The following DIS3L2 variants were observed in gnomAD, a reference collection of about 807,000 sequenced individuals.
The protein encoded by DIS3L2 is DIS3 like 3'-5' exoribonuclease 2.
Under a neutral mutation model 97.5 loss-of-function variants are expected in DIS3L2, and 34 were observed. The observed-to-expected ratio is 0.35, with a 90% CI of 0.27 to 0.46. DIS3L2 has a LOEUF of 0.46. Among genes scored for constraint, DIS3L2 ranks in the 20% least tolerant of loss-of-function variants. DIS3L2 has a pLI of 1.00. For synonymous variants in DIS3L2, 435 were observed against 445.2 expected, an observed-to-expected ratio of 0.98 and a Z score of 0.29; for missense variants, 1,038 against 1,146.0, an observed-to-expected ratio of 0.91 and a Z score of 1.36.
chr2:232,117,583 G>A (rs1006040751), intron 6 of DIS3L2, among the ~76,000 whole-genome samples: 3 of 152,216 alleles, frequency 2.0e-5, no homozygotes, highest in Admixed American at 6.5e-5. Flanking sequence ...CATGGTGTCA[G>A]TGATGAGCTT....
intron 6 of DIS3L2, among the ~76,000 whole-genome samples, chr2:232,097,111 C>T (rs967946266): frequency 5.3e-5 from 8 of 152,224 alleles, no homozygotes; most frequent in South Asian, 2.1e-4. Flanking sequence ...TAATCTAAGC[C>T]GTATGTGCAT....
At chr2:232,079,019 T>G (rs1696300886) in intron 5 of DIS3L2, among the ~76,000 whole-genome samples, 1 of 152,230 alleles carries the variant, frequency 6.6e-6, no homozygotes, top group Non-Finnish European at 1.5e-5. Context: ...GCTGTTTATT[T>G]GAAAGACAAT....
In DIS3L2 at chr2:232,263,284, T is replaced by C. The variant is rs1559181262; in HGVS notation, c.1503T>C (p.Ile501=). 3.1e-6 allele frequency: 5 copies of C among 1,614,200 alleles called. No individual in the cohort carries two copies. Among genetic ancestry groups the C allele is most frequent in the Non-Finnish European group, 4.2e-6 (5 of 1,180,030 alleles). The change falls in exon 13 of 21, where the codon ATT becomes ATC. Residue 501 remains isoleucine, a synonymous_variant. Coordinates refer to ENST00000325385, the MANE Select transcript of DIS3L2 (RefSeq NM_152383.5). ...KLSYEHAQSM[I]ESPTEKIPAK... Reference sequence around the variant, plus strand: ...GCTACGAGCATGCACAGAGCATGATTGAAAGCCCAACTGAGAAAATCCCTG... The same window carrying C: ...GCTACGAGCATGCACAGAGCATGATCGAAAGCCCAACTGAGAAAATCCCTG...
chr2:232,184,454 T>G (rs1691380106), intron 9 of DIS3L2, among the ~76,000 whole-genome samples: 1 of 152,078 alleles, frequency 6.6e-6, no homozygotes, highest in Non-Finnish European at 1.5e-5. Flanking sequence ...AGTTCCAGAC[T>G]AGCCTGGGCA....
intron 8 of DIS3L2, among the ~76,000 whole-genome samples, chr2:232,147,521 A>G (rs1287833441): frequency 6.6e-6 from 1 of 152,172 alleles, no homozygotes; most frequent in African/African-American, 2.4e-5. Context: ...CCTCTTGACT[A>G]TGAGAGCTTC....
intron 10 of DIS3L2, among the ~76,000 whole-genome samples, chr2:232,220,845 G>A (rs1345294320): frequency 1.3e-5 from 2 of 152,118 alleles, no homozygotes; most frequent in Admixed American, 1.3e-4. Flanking sequence ...GCTCATTCCT[G>A]TAATCCCAGC....
chr2:232,108,921 G>C (rs1475338080), intron 6 of DIS3L2, among the ~76,000 whole-genome samples: 1 of 152,096 alleles, frequency 6.6e-6, no homozygotes, highest in African/African-American at 2.4e-5. Flanking sequence ...CGCAAACAAA[G>C]GGAAAAACAT....
chr2:231,984,898 G>C (rs933179966), intron 1 of DIS3L2, among the ~76,000 whole-genome samples: 1 of 152,314 alleles, frequency 6.6e-6, no homozygotes, highest in Middle Eastern at 3.4e-3. Context: ...TGGGATTATA[G>C]GCATGAGCCA....
intron 1 of DIS3L2, among the ~76,000 whole-genome samples, chr2:231,989,427 A>G (rs1401787871): frequency 6.6e-6 from 1 of 151,680 alleles, no homozygotes; most frequent in Non-Finnish European, 1.5e-5. Flanking sequence ...TATTAATTGA[A>G]AATTATTTAA....
chr2:232,315,492 G>A (rs1033396037), intron 14 of DIS3L2, among the ~76,000 whole-genome samples: 6 of 152,066 alleles, frequency 3.9e-5, no homozygotes, highest in African/African-American at 1.2e-4. Context: ...TTAGCTTTTG[G>A]CTGTGCTATC....
At chr2:232,028,994 T>TC (rs886151220) in intron 4 of DIS3L2, among the ~76,000 whole-genome samples, 2 of 152,090 alleles carry the variant, frequency 1.3e-5, no homozygotes, top group African/African-American at 4.8e-5. Context: ...AATCTGCCCC[T>TC]CCCCCTTTTT....
chr2:232,126,097 A>G (rs1698057759), intron 6 of DIS3L2, among the ~76,000 whole-genome samples: 1 of 152,112 alleles, frequency 6.6e-6, no homozygotes, highest in Admixed American at 6.5e-5. Context: ...ATTGTGTCTC[A>G]CCTAGATTCT....
intron 14 of DIS3L2, among the ~76,000 whole-genome samples, chr2:232,304,915 A>G (rs1341330471): frequency 6.6e-6 from 1 of 152,026 alleles, no homozygotes; most frequent in Non-Finnish European, 1.5e-5. Context: ...CTTGTTAGAA[A>G]CCATCTTATT....
chr2:232,088,713 G>A (rs1392917872), intron 6 of DIS3L2, among the ~76,000 whole-genome samples: 1 of 152,082 alleles, frequency 6.6e-6, no homozygotes, highest in Non-Finnish European at 1.5e-5. Context: ...TGGGCCCTCT[G>A]GATGCAGAAA....
chr2:231,991,012 C>T (rs997163321), intron 1 of DIS3L2, among the ~76,000 whole-genome samples: 1 of 151,168 alleles, frequency 6.6e-6, no homozygotes, highest in Non-Finnish European at 1.5e-5. Context: ...CTCAAGTGAT[C>T]CTCCTACCTC....
intron 1 of DIS3L2, among the ~76,000 whole-genome samples, chr2:231,969,821 A>G (rs1250448561): frequency 6.6e-6 from 1 of 151,476 alleles, no homozygotes; most frequent in Non-Finnish European, 1.5e-5. Flanking sequence ...GTCTTTCACC[A>G]TTTGTATATG....
intron 1 of DIS3L2, among the ~76,000 whole-genome samples, chr2:231,986,644 C>T (rs1215088099): frequency 6.6e-6 from 1 of 152,170 alleles, no homozygotes; most frequent in Non-Finnish European, 1.5e-5. Flanking sequence ...CTTAAGACAG[C>T]TCTACAAAGA....
At chr2:232,190,028 C>T (rs753729156) in intron 9 of DIS3L2, among the ~76,000 whole-genome samples, 18 of 152,210 alleles carry the variant, frequency 1.2e-4, no homozygotes, top group Non-Finnish European at 2.2e-4. Flanking sequence ...ATGCTTTTGT[C>T]TTAATTTTTA....
chr2:232,323,758 G>A (rs1370010021), intron 14 of DIS3L2, among the ~76,000 whole-genome samples: 1 of 152,208 alleles, frequency 6.6e-6, no homozygotes, highest in Non-Finnish European at 1.5e-5. Flanking sequence ...CCACCCAGAG[G>A]CCACGGCACC....
Sources: allele counts gnomAD v4.1 joint callset (sites outside exome capture counted in the v4.1 genomes callset), GRCh38; gene constraint gnomAD v4.1.1; transcripts MANE v1.5; gene names NCBI Gene and HGNC (gene_info 2026-07-23, HGNC 2026-07-21).